PPIP5K1: variants seen among roughly 807,000 people sequenced by gnomAD.
The protein encoded by PPIP5K1 is inositol hexakisphosphate and diphosphoinositol-pentakisphosphate kinase 1.
Under a neutral mutation model 27.7 loss-of-function variants are expected in PPIP5K1, and 6 were observed. That is an observed-to-expected ratio of 0.22 (90% CI 0.12 to 0.43). The LOEUF (loss-of-function observed/expected upper bound fraction) is 0.43, where lower values mean the gene tolerates loss of function less well. Among genes scored for constraint, PPIP5K1 ranks in the 20% least tolerant of loss-of-function variants. The pLI is 1.00. For missense variants in PPIP5K1, 394 were observed against 635.4 expected (o/e 0.62, Z 4.08); for synonymous variants, 145 against 242.6 (o/e 0.60, Z 3.74).
chr15:43,547,455 C>T, intron 30 of PPIP5K1, among the ~76,000 whole-genome samples: 1 of 152,182 alleles, frequency 6.6e-6, no homozygotes, highest in Non-Finnish European at 1.5e-5. Context: ...AAGATTTACT[C>T]TACGACTTCT....
rs752782345 is a variant in PPIP5K1 at position 43,535,423 on chromosome 15, T to C, written c.3724A>G (p.Thr1242Ala). The change falls in exon 32 of 32, where the codon ACA (threonine) becomes GCA (alanine). Residue 1242 changes from threonine (T) to alanine (A), a missense_variant. Thr to Ala is a moderately conservative substitution (Grantham distance 58). This residue lies in a region of PPIP5K1 where 379 missense variants were observed against 423.9 expected (regional missense o/e 0.89). Transcript: ENST00000420765. ...CCAAATTGGGAGTTACCATCTACTGTAGTAGGGGAAGAAGGACCAGCACTG... is the reference window on the plus strand; with the variant it reads ...CCAAATTGGGAGTTACCATCTACTGCAGTAGGGGAAGAAGGACCAGCACTG... ...VSSAGPSSPT[T>A]VDGNSQFGFS... 1.2e-5 allele frequency: 20 copies of C among 1,612,056 alleles called. No homozygotes were observed. The East Asian group carries it at 4.2e-4, about 34-fold the overall frequency.
chr15:43,540,525 C>T (rs912997969), intron 30 of PPIP5K1, among the ~76,000 whole-genome samples: 1 of 151,794 alleles, frequency 6.6e-6, no homozygotes, highest in African/African-American at 2.4e-5. Context: ...GGTGAAACCC[C>T]GTCTCTACTA....
At chr15:43,552,102 C>T (rs925699884) in intron 30 of PPIP5K1, among the ~76,000 whole-genome samples, 7 of 151,984 alleles carry the variant, frequency 4.6e-5, no homozygotes, top group Non-Finnish European at 4.4e-5. Context: ...TACAGGTTTG[C>T]ACCACCGCAC....
chr15:43,553,688 A>T (rs1165918879), intron 30 of PPIP5K1, among the ~76,000 whole-genome samples: 1 of 143,824 alleles, frequency 7.0e-6, no homozygotes, highest in Middle Eastern at 3.5e-3. Context: ...TCTGTTGTCC[A>T]GGCTTGAGTG....
chr15:43,536,578 C>T (rs2079895055), intron 31 of PPIP5K1, among the ~76,000 whole-genome samples: 1 of 152,158 alleles, frequency 6.6e-6, no homozygotes, highest in Non-Finnish European at 1.5e-5. Context: ...TCACACTAAT[C>T]TTTACATGTG....
At chr15:43,544,050 C>A (rs1401671147) in intron 30 of PPIP5K1, among the ~76,000 whole-genome samples, 1 of 151,684 alleles carries the variant, frequency 6.6e-6, no homozygotes, top group African/African-American at 2.4e-5. Flanking sequence ...TGTTTCTTTT[C>A]TTAACTTTAT....
At chr15:43,542,436 C>G (rs542552781) in intron 30 of PPIP5K1, among the ~76,000 whole-genome samples, 1 of 151,620 alleles carries the variant, frequency 6.6e-6, no homozygotes, top group South Asian at 2.1e-4. Flanking sequence ...AGACTACAGG[C>G]GCATAGCACA....
chr15:43,586,687 C>A (rs2085319437), intron 1 of PPIP5K1, among the ~76,000 whole-genome samples: 1 of 100,434 alleles, frequency 1.0e-5, no homozygotes, highest in African/African-American at 3.5e-5. Flanking sequence ...GAGAGCAAAA[C>A]CCTGCCTCAA....
intron 30 of PPIP5K1, among the ~76,000 whole-genome samples, chr15:43,554,620 T>TACACACACACACAC (rs757647925): frequency 5.4e-5 from 7 of 130,012 alleles, no homozygotes; most frequent in South Asian, 2.5e-4. Context: ...ACACCTGGCA[T>TACACACACACACAC]ACACACACAC....
chr15:43,551,426 G>A (rs1372505475), intron 30 of PPIP5K1, among the ~76,000 whole-genome samples: 4 of 150,382 alleles, frequency 2.7e-5, no homozygotes, highest in African/African-American at 9.8e-5. Flanking sequence ...GCTGAGGCAG[G>A]AGAATCGTTT....
At chr15:43,556,099 C>T (rs972062411) in intron 30 of PPIP5K1, among the ~76,000 whole-genome samples, 7 of 152,022 alleles carry the variant, frequency 4.6e-5, no homozygotes, top group African/African-American at 1.7e-4. Context: ...TCAGGCGGAT[C>T]ACGAGGTCAA....
intron 30 of PPIP5K1, among the ~76,000 whole-genome samples, chr15:43,546,263 T>C (rs1268387476): frequency 6.6e-6 from 1 of 152,242 alleles, no homozygotes. Flanking sequence ...ATGTACATAC[T>C]ACATTTTATC....
chr15:43,540,785 A>C (rs1400257641), intron 30 of PPIP5K1, among the ~76,000 whole-genome samples: 1 of 149,968 alleles, frequency 6.7e-6, no homozygotes, highest in Non-Finnish European at 1.5e-5. Context: ...ACTTGAACCC[A>C]GGAGGCAGAG....
At chr15:43,550,083 G>C (rs566751478) in intron 30 of PPIP5K1, among the ~76,000 whole-genome samples, 3 of 152,118 alleles carry the variant, frequency 2.0e-5, no homozygotes, top group African/African-American at 4.8e-5. Context: ...CAGGATTACA[G>C]GTACAAGCCA....
rs919653538 is a variant in PPIP5K1, at chr15:43,557,214, G to C, written c.3556+1581C>G. 5.3e-5 allele frequency among the ~76,000 whole-genome samples: 8 copies of C among 151,606 alleles called. No homozygotes were observed. In the East Asian group the frequency reaches 9.7e-4, roughly 18 times the overall value. On this transcript the variant is annotated intron_variant, in intron 30 of 31. Transcript: ENST00000420765. Reference sequence around the variant, plus strand: ...TAATCCCAGCACTGTGGGAACCCAAGGGGGGGTGGATCACCTGAGGTCAGG... The same window carrying C: ...TAATCCCAGCACTGTGGGAACCCAACGGGGGGTGGATCACCTGAGGTCAGG...
intron 30 of PPIP5K1, among the ~76,000 whole-genome samples, chr15:43,553,018 A>G (rs909861556): frequency 6.6e-6 from 1 of 152,238 alleles, no homozygotes; most frequent in Non-Finnish European, 1.5e-5. Context: ...CCTGGACGAC[A>G]GAGTGAGAAT....
Position 43,539,554 on chromosome 15 carries a change from C to G in PPIP5K1, c.3586G>C (p.Ala1196Pro), listed in dbSNP as rs747790774. 1 of 1,607,638 alleles carries G rather than the reference C, an allele frequency of 6.2e-7. No homozygotes were observed. Among genetic ancestry groups the G allele is most frequent in the Non-Finnish European group, 8.5e-7 (1 of 1,176,150 alleles). Residue 1196 changes from alanine to proline, a missense_variant, in exon 31 of 32, where the codon GCC becomes CCC. Transcript: ENST00000420765. The stretch of plus-strand genomic sequence containing the variant: ...GGTGGAGAAAATGGGTTATCTGAGG[C>G]CTGGCTGCTGTGCATGGAATCAAAG... Reference protein sequence around the residue: ...ALFDSMHSSQASDNPFSPPRT... With the variant: ...ALFDSMHSSQPSDNPFSPPRT...
In PPIP5K1 at chr15:43,535,279, G is replaced by T. The variant is rs570361999; in HGVS notation, c.3868C>A (p.Leu1290Ile). The T allele has an allele frequency of 3.7e-6, 6 of 1,614,066 alleles. No individual in the cohort carries two copies. Among genetic ancestry groups the T allele is most frequent in the Admixed American group, 1.7e-5 (1 of 59,990 alleles). Residue 1290 changes from leucine (L) to isoleucine (I), a missense_variant, in exon 32 of 32, where the codon CTT becomes ATT. This residue lies in a region of PPIP5K1 where 379 missense variants were observed against 423.9 expected (regional missense o/e 0.89). Transcript: ENST00000420765. ...QELSIEGEQELFEPNQSPQVP... is the reference protein window; with the variant it reads ...QELSIEGEQEIFEPNQSPQVP... ...TGTGGGGACTGATTTGGTTCAAAAA[G>T]CTCTTGCTCCCCTTCTATGGAGAGC... is the stretch of plus-strand genomic sequence containing the variant.
At chr15:43,547,611 A>G (rs917507676) in intron 30 of PPIP5K1, among the ~76,000 whole-genome samples, 45 of 152,254 alleles carry the variant, frequency 3.0e-4, no homozygotes, top group African/African-American at 1.1e-3. Context: ...CGAAGAGACT[A>G]TTCTTTCTCC....
Sources: allele counts gnomAD v4.1 joint callset (sites outside exome capture counted in the v4.1 genomes callset), GRCh38; gene constraint gnomAD v4.1.1; regional missense constraint gnomAD v4.1.1; transcripts MANE v1.5; gene names NCBI Gene and HGNC (gene_info 2026-07-23, HGNC 2026-07-21).